Variants in MTF2 observed in about 807,000 individuals in gnomAD.
The protein encoded by MTF2 is metal response element binding transcription factor 2, also known as metal-response element-binding transcription factor 2.
Under a neutral mutation model 79.5 loss-of-function variants are expected in MTF2, and 11 were observed. That is an observed-to-expected ratio of 0.14 (90% CI 0.09 to 0.23). The LOEUF is 0.23. Ranked by LOEUF, MTF2 falls within the 10% of genes least tolerant of loss-of-function variation. MTF2 has a pLI of 1.00. For synonymous variants in MTF2, 208 were observed against 232.8 expected (o/e 0.89, Z 0.97); for missense variants, 486 against 711.2 (o/e 0.68, Z 3.60).
chr1:93,132,348 C>G (rs1656954249), intron 11 of MTF2, among the ~76,000 whole-genome samples: 1 of 146,606 alleles, frequency 6.8e-6, no homozygotes. Context: ...TATTATGAAT[C>G]AGAAAAAAAA....
At chr1:93,112,580 A>G (rs1198380679) in intron 3 of MTF2, among the ~76,000 whole-genome samples, 3 of 152,200 alleles carry the variant, frequency 2.0e-5, no homozygotes, top group Non-Finnish European at 4.4e-5. Flanking sequence ...GCAGAAGTTT[A>G]TAATTATCTA....
chr1:93,135,119 C>T (rs142697391), intron 14 of MTF2, among the ~76,000 whole-genome samples: 121 of 152,094 alleles, frequency 8.0e-4, no homozygotes, highest in African/African-American at 2.7e-3. Flanking sequence ...TACAGGCGTG[C>T]GCCACCATGC....
At chr1:93,096,808 C>CTTT (rs961849389) in intron 1 of MTF2, among the ~76,000 whole-genome samples, 8 of 136,242 alleles carry the variant, frequency 5.9e-5, no homozygotes, top group South Asian at 2.2e-4. Flanking sequence ...TTTTCTTTTT[C>CTTT]TTTTTTTTTT....
Position 93,129,121 on chromosome 1 carries a change from G to A in MTF2, c.990-157G>A, listed in dbSNP as rs1656820102. On this transcript the variant is annotated intron_variant, in intron 10 of 14. Coordinates refer to ENST00000370298, the MANE Select transcript of MTF2 (RefSeq NM_007358.4). ...CATATCCTACTGTAGACTGGCTCTG[G>A]GGCAGATAAAAATCAAGGAAAGCAA... 6.6e-6 allele frequency: 3 copies of A among 457,488 alleles called. No homozygotes were observed. The East Asian group carries it at 1.0e-4, about 15-fold the overall frequency. 28.3% of individuals were successfully genotyped at this position (457,488 alleles called of 1,614,324 possible).
At chr1:93,088,719 A>C (rs1486099922) in intron 1 of MTF2, among the ~76,000 whole-genome samples, 1 of 152,070 alleles carries the variant, frequency 6.6e-6, no homozygotes, top group African/African-American at 2.4e-5. Flanking sequence ...CTGTGTGCCA[A>C]CGTGCCTGGC....
chr1:93,097,655 C>T (rs182558384), intron 1 of MTF2, among the ~76,000 whole-genome samples: 57 of 151,966 alleles, frequency 3.8e-4, no homozygotes, highest in African/African-American at 1.3e-3. Context: ...AGGAGTGTAG[C>T]GGTGCGATCT....
Position 93,118,280 on chromosome 1 carries a change from T to TA in MTF2, c.633-62dup, listed in dbSNP as rs536421920. ...AGGCCACTTTTTTTTTTTTTTTTTTTAAAGAAATGAACCTTTCCCTTAAGA... is the reference window on the plus strand; with the variant it reads ...AGGCCACTTTTTTTTTTTTTTTTTTTAAAAGAAATGAACCTTTCCCTTAAGA... On this transcript the variant is annotated intron_variant, in intron 6 of 14. Transcript: ENST00000370298. 1.7e-3 allele frequency: 1,331 copies of TA among 801,828 alleles called. 20 individuals are homozygous for TA. The African/African-American group carries it at 0.023, about 14-fold the overall frequency. The allele number at this position is 801,828 out of a possible 1,614,324, so 49.7% of individuals were successfully genotyped here. A position where few individuals can be genotyped will look rare whatever the true frequency, so the allele number is the denominator to read the frequency against.
At chr1:93,088,559 A>T (rs572123751) in intron 1 of MTF2, among the ~76,000 whole-genome samples, 1 of 152,150 alleles carries the variant, frequency 6.6e-6, no homozygotes, top group Non-Finnish European at 1.5e-5. Flanking sequence ...ATTATATTTA[A>T]CAGTGTCATT....
intron 3 of MTF2, among the ~76,000 whole-genome samples, chr1:93,111,600 G>T (rs956844814): frequency 2.0e-5 from 3 of 152,118 alleles, no homozygotes; most frequent in African/African-American, 2.4e-5. Flanking sequence ...GGTACTCAGG[G>T]CTTAGGTGGG....
At chr1:93,092,043 G>A (rs555543498) in intron 1 of MTF2, among the ~76,000 whole-genome samples, 2 of 152,126 alleles carry the variant, frequency 1.3e-5, no homozygotes, top group East Asian at 1.9e-4. Context: ...CTGTTTTCAT[G>A]TGCTGGATGT....
intron 1 of MTF2, among the ~76,000 whole-genome samples, chr1:93,082,406 G>A (rs560531053): frequency 1.3e-5 from 2 of 151,586 alleles, no homozygotes; most frequent in African/African-American, 2.4e-5. Flanking sequence ...TTAGCCTGCC[G>A]AGTAGTTAGG....
In MTF2 at chr1:93,115,077, A is replaced by G. The variant is rs376411392; in HGVS notation, c.472A>G (p.Thr158Ala). 137 of 1,600,324 alleles carry G rather than the reference A, an allele frequency of 8.6e-5. No individual in the cohort carries two copies. The highest frequency in any genetic ancestry group is 7.1e-4 in the African/African-American group (53 of 74,590). The change falls in exon 5 of 15, where the codon ACA (threonine) becomes GCA (alanine). Residue 158 changes from threonine (T) to alanine (A), a missense_variant. Thr to Ala is a moderately conservative substitution (Grantham distance 58). Transcript: ENST00000370298. ...KWLCRQCVFA[T>A]TTKRGGALKK... is the part of the protein sequence containing the mutation. ...GCTCTGTCGGCAGTGTGTTTTTGCA[A>G]CAACAACAAAGGTATATTTTAAGTG...
chr1:93,100,167 A>C (rs1435474755), intron 1 of MTF2, among the ~76,000 whole-genome samples: 1 of 152,194 alleles, frequency 6.6e-6, no homozygotes, highest in Non-Finnish European at 1.5e-5. Context: ...GTTAAAAAAA[A>C]CCCACTTGCC....
chr1:93,111,991 C>T (rs1447680517), intron 3 of MTF2, among the ~76,000 whole-genome samples: 2 of 152,128 alleles, frequency 1.3e-5, no homozygotes, highest in Non-Finnish European at 2.9e-5. Flanking sequence ...CTACTTCCTC[C>T]TTTCTACTTC....
At chr1:93,118,294 T>A in intron 6 of MTF2, 51 bp from the exon 7 acceptor site, 1 of 1,182,864 alleles carries the variant, frequency 8.5e-7, no homozygotes, top group Non-Finnish European at 1.2e-6. Context: ...GAAATGAACC[T>A]TTCCCTTAAG....
intron 1 of MTF2, among the ~76,000 whole-genome samples, chr1:93,105,728 TGC>T (rs2101049546): frequency 6.6e-6 from 1 of 152,004 alleles, no homozygotes; most frequent in African/African-American, 2.4e-5. Flanking sequence ...CAGGCTGGAG[TGC>T]AATGCTGCGG....
intron 1 of MTF2, among the ~76,000 whole-genome samples, chr1:93,082,901 C>T (rs906133538): frequency 1.3e-5 from 2 of 152,170 alleles, no homozygotes; most frequent in African/African-American, 2.4e-5. Context: ...CACTAATCTA[C>T]CTTCTGTGTC....
chr1:93,097,993 G>A (rs971563795), intron 1 of MTF2, among the ~76,000 whole-genome samples: 4 of 152,186 alleles, frequency 2.6e-5, no homozygotes, highest in South Asian at 2.1e-4. Context: ...ATTGAGAATC[G>A]ATGTGTGCCA....
In MTF2 at chr1:93,139,013, T is replaced by G. The variant is rs2101107622; in HGVS notation, c.*1986T>G. On this transcript the variant is annotated 3_prime_UTR_variant, in exon 15 of 15. Transcript: ENST00000370298. ...CATGGCTCTGATGTTCAGTTTGTAT[T>G]TTTGGAATTGCTTTACTTAGAAATT... is the stretch of plus-strand genomic sequence containing the variant. 1 of 152,362 alleles carries G rather than the reference T, an allele frequency of 6.6e-6. No individual in the cohort carries two copies. The highest frequency in any genetic ancestry group is 1.9e-4 in the East Asian group (1 of 5,188). The allele number at this position is 152,362 out of a possible 1,614,324, so 9.4% of individuals were successfully genotyped here. A position where few individuals can be genotyped will look rare whatever the true frequency, so the allele number is the denominator to read the frequency against.
Sources: allele counts gnomAD v4.1 joint callset (sites outside exome capture counted in the v4.1 genomes callset), GRCh38; gene constraint gnomAD v4.1.1; transcripts MANE v1.5; gene names NCBI Gene and HGNC (gene_info 2026-07-23, HGNC 2026-07-21).